Variants in FSD1L observed in about 807,000 individuals in gnomAD.
The protein encoded by FSD1L is FSD1-like protein.
Under a neutral mutation model 71.6 loss-of-function variants are expected in FSD1L, and 45 were observed. The observed-to-expected ratio is 0.63, with a 90% confidence interval of 0.49 to 0.81. The LOEUF (loss-of-function observed/expected upper bound fraction) is 0.81. FSD1L is among the 30% of genes least tolerant of loss of function. FSD1L has a pLI of 0.00. For synonymous variants in FSD1L, 197 were observed against 207.2 expected, an observed-to-expected ratio of 0.95 and a Z score of 0.42; for missense variants, 561 against 618.1, an observed-to-expected ratio of 0.91 and a Z score of 0.98.
chr9:105,515,718 C>A (rs1167839838), intron 10 of FSD1L, among the ~76,000 whole-genome samples: 1 of 152,114 alleles, frequency 6.6e-6, no homozygotes, highest in Non-Finnish European at 1.5e-5. Flanking sequence ...GTGCCTACCC[C>A]ACCAGGGCCC....
Position 105,535,315 on chromosome 9 carries a change from G to A in FSD1L, c.1375G>A (p.Gly459Arg). The change falls in exon 12 of 14, where the codon GGG (glycine) becomes AGG (arginine). Residue 459 changes from glycine (G) to arginine (R), a missense_variant. Gly to Arg is a moderately radical substitution (Grantham distance 125). This residue lies in a region of FSD1L where 98 missense variants were observed against 102.3 expected (regional missense o/e 0.96). Coordinates refer to ENST00000481272, the MANE Select transcript of FSD1L (RefSeq NM_001145313.3). ...AATAGGTGTATTTTGTGATTTTGAT[G>A]GGGGTAAGTTTATTTTCTCGTAGGT... ...EKIGVFCDFD[G>R]GQLSFYDANS... 3.9e-6 allele frequency: 6 copies of A among 1,551,268 alleles called. No individual in the cohort carries two copies. In the South Asian group the frequency reaches 4.8e-5, roughly 12 times the overall value.
chr9:105,516,070 A>G (rs984014683), intron 10 of FSD1L, among the ~76,000 whole-genome samples: 2 of 152,156 alleles, frequency 1.3e-5, no homozygotes, highest in African/African-American at 4.8e-5. Context: ...AGTGTAAACA[A>G]AGCTGCTGGG....
At chr9:105,534,678 C>T (rs1420340436) in intron 11 of FSD1L, 85 bp downstream of exon 11, 3 of 753,480 alleles carry the variant, frequency 4.0e-6, no homozygotes, top group Admixed American at 2.9e-5. Flanking sequence ...AAAGTGACTG[C>T]CTGTATATTG....
Position 105,508,680 on chromosome 9 carries a change from G to T in FSD1L, c.860G>T (p.Gly287Val). 6.4e-7 allele frequency: 1 copy of T among 1,551,162 alleles called. No individual in the cohort carries two copies. The highest frequency in any genetic ancestry group is 1.2e-5 in the South Asian group (1 of 84,008). ...RVRACNKAVAGEYSDPVTLET... is the reference protein window; with the variant it reads ...RVRACNKAVAVEYSDPVTLET... Reference sequence around the variant, plus strand: ...CGAGCTTGTAACAAGGCTGTGGCTGGAGAGTATTCTGATCCAGTGACTCTA... The same window carrying T: ...CGAGCTTGTAACAAGGCTGTGGCTGTAGAGTATTCTGATCCAGTGACTCTA... Residue 287 changes from glycine (G) to valine (V), a missense_variant, in exon 9 of 14, where the codon GGA (glycine) becomes GTA (valine). Gly to Val is a moderately radical substitution (Grantham distance 109). Around this residue, in one of 3 missense-constraint regions of FSD1L, gnomAD observed 410 missense variants for 413.5 expected, o/e 0.99. Coordinates refer to ENST00000481272, the MANE Select transcript of FSD1L (RefSeq NM_001145313.3).
upstream of FSD1L, among the ~76,000 whole-genome samples, chr9:105,443,679 C>T (rs947086263): frequency 6.6e-6 from 1 of 152,124 alleles, no homozygotes; most frequent in African/African-American, 2.4e-5. Flanking sequence ...TGCCTATATT[C>T]CCAGCACTTT....
intron 4 of FSD1L, among the ~76,000 whole-genome samples, chr9:105,469,160 T>A (rs1478198409): frequency 2.0e-5 from 3 of 152,230 alleles, no homozygotes; most frequent in African/African-American, 7.2e-5. Context: ...CTTTATCCAT[T>A]TATATGTCTA....
intron 1 of FSD1L, among the ~76,000 whole-genome samples, chr9:105,455,888 T>A (rs1830328255): frequency 6.6e-6 from 1 of 152,236 alleles, no homozygotes; most frequent in Admixed American, 6.5e-5. Flanking sequence ...TAGATCTATT[T>A]GTGGTATTTG....
chr9:105,467,405 A>G (rs1424929886), intron 3 of FSD1L, among the ~76,000 whole-genome samples: 1 of 152,216 alleles, frequency 6.6e-6, no homozygotes, highest in African/African-American at 2.4e-5. Context: ...AAGTGTGGAT[A>G]TTGCTTATCT....
intron 10 of FSD1L, chr9:105,525,650 C>T: frequency 1.2e-6 from 2 of 1,611,416 alleles, no homozygotes. Context: ...AACTTGGATT[C>T]AAGGCAGTGC....
intron 9 of FSD1L, among the ~76,000 whole-genome samples, chr9:105,511,241 C>T (rs1340053269): frequency 6.6e-6 from 1 of 150,618 alleles, no homozygotes; most frequent in Admixed American, 6.6e-5. Flanking sequence ...TGGCCCTTCT[C>T]TCCAGCATAA....
intron 7 of FSD1L, among the ~76,000 whole-genome samples, chr9:105,505,202 A>G (rs180944478): frequency 3.5e-4 from 53 of 152,098 alleles, no homozygotes; most frequent in African/African-American, 1.2e-3. Context: ...ATATCCTGCA[A>G]CCCTTCTGTG....
chr9:105,517,362 A>AAACCTAATT (rs1446068969), intron 10 of FSD1L, among the ~76,000 whole-genome samples: 1 of 152,184 alleles, frequency 6.6e-6, no homozygotes, highest in Non-Finnish European at 1.5e-5. Context: ...CAACCCCAAG[A>AAACCTAATT]AACCTAATTG....
At chr9:105,486,601 C>T (rs1832564835) in intron 7 of FSD1L, among the ~76,000 whole-genome samples, 1 of 152,072 alleles carries the variant, frequency 6.6e-6, no homozygotes, top group Non-Finnish European at 1.5e-5. Flanking sequence ...CTACTTACCA[C>T]CAGTATGACC....
chr9:105,545,066 A>G (rs1836894844), intron 13 of FSD1L, among the ~76,000 whole-genome samples: 1 of 152,080 alleles, frequency 6.6e-6, no homozygotes, highest in African/African-American at 2.4e-5. Context: ...TGAGCATGGA[A>G]TGTTCTTCCA....
At chr9:105,520,218 C>T (rs1391290018) in intron 10 of FSD1L, 4 of 1,610,938 alleles carry the variant, frequency 2.5e-6, no homozygotes, top group Non-Finnish European at 3.4e-6. Flanking sequence ...CCTCAAGCAC[C>T]TGCGCATCGT....
chr9:105,475,724 A>G (rs1054369310), intron 5 of FSD1L, among the ~76,000 whole-genome samples: 1 of 152,240 alleles, frequency 6.6e-6, no homozygotes, highest in Non-Finnish European at 1.5e-5. Flanking sequence ...TTGTACAAAT[A>G]TGCCTAATCA....
chr9:105,471,815 T>A (rs1233169572), intron 4 of FSD1L, 89 bp from the exon 5 acceptor site: 1 of 474,152 alleles, frequency 2.1e-6, no homozygotes, highest in Non-Finnish European at 3.7e-6. Flanking sequence ...AAATTATTTG[T>A]AAGTTCATTA....
At chr9:105,443,440 C>T (rs1354422499), upstream of FSD1L, among the ~76,000 whole-genome samples, 3 of 152,154 alleles carry the variant, frequency 2.0e-5, no homozygotes, top group African/African-American at 7.2e-5. Flanking sequence ...AATTACCTCC[C>T]ACCAGATTCC....
At chr9:105,452,697 T>G (rs575769403) in intron 1 of FSD1L, among the ~76,000 whole-genome samples, 13 of 146,442 alleles carry the variant, frequency 8.9e-5, no homozygotes, top group African/African-American at 2.9e-4. Flanking sequence ...CTTCCTTCCT[T>G]CCTTCCTTCC....
Sources: gnomAD v4.1 joint callset for allele counts (sites outside exome capture counted in the v4.1 genomes callset) on GRCh38, gnomAD v4.1.1 for gene constraint, gnomAD v4.1.1 regional missense constraint, MANE v1.5 for transcripts, NCBI Gene and HGNC (gene_info 2026-07-23, HGNC 2026-07-21) for gene names.